Variants in NRG3 observed in about 807,000 individuals in gnomAD.
NRG3 encodes the protein neuregulin 3, also known as pro-neuregulin-3, membrane-bound isoform.
In NRG3, 31 loss-of-function variants were observed where a neutral mutation model predicts 66.9. The observed-to-expected ratio is 0.46, with a 90% CI of 0.35 to 0.63. The LOEUF (loss-of-function observed/expected upper bound fraction) is 0.63, where lower values mean the gene tolerates loss of function less well. Ranked by LOEUF, NRG3 falls within the 20% of genes least tolerant of loss-of-function variation. The probability of loss-of-function intolerance (pLI) is 0.00; values close to 1 mark genes in which losing one functional copy is unlikely to be tolerated. For synonymous variants in NRG3, 393 were observed against 359.4 expected, an observed-to-expected ratio of 1.09 and a Z score of -1.06; for missense variants, 910 against 878.9, an observed-to-expected ratio of 1.04 and a Z score of -0.45.
chr10:82,708,845 T>C (rs1250282541), intron 2 of NRG3, among the ~76,000 whole-genome samples: 1 of 152,186 alleles, frequency 6.6e-6, no homozygotes, highest in Non-Finnish European at 1.5e-5. Flanking sequence ...TTGATTCCAG[T>C]CTCATTTGAT....
chr10:82,587,597 A>G (rs1227073816), intron 2 of NRG3, among the ~76,000 whole-genome samples: 5 of 152,224 alleles, frequency 3.3e-5, no homozygotes, highest in African/African-American at 4.8e-5. Flanking sequence ...GGTAGGCCCA[A>G]CATCATCCAG....
chr10:82,708,627 A>C (rs1442838056), intron 2 of NRG3, among the ~76,000 whole-genome samples: 2 of 152,160 alleles, frequency 1.3e-5, no homozygotes, highest in Non-Finnish European at 2.9e-5. Flanking sequence ...TTATATTACA[A>C]TTACTTAATA....
rs201495334 is a variant in NRG3 at position 81,880,334 on chromosome 10, CT to C, written c.823+4173del. Among the ~76,000 whole-genome samples the C allele has an allele frequency of 8.7e-4, 133 of 152,088 alleles. 1 individual carries two copies. In the East Asian group the frequency reaches 0.014, roughly 16 times the overall value. ...AGGAGGTGTTGTTAATTGAGAGTCC[CT>C]TCTGCAGGATTAATTTGTGAATCCA... On this transcript the variant is annotated intron_variant, in intron 1 of 8. Coordinates refer to ENST00000372141, the MANE Select transcript of NRG3 (RefSeq NM_001010848.4).
intron 1 of NRG3, among the ~76,000 whole-genome samples, chr10:82,065,400 T>A (rs549129655): frequency 1.5e-3 from 228 of 152,346 alleles, no homozygotes; most frequent in African/African-American, 5.2e-3. Context: ...AAATTTATTG[T>A]ATATCATTGT....
chr10:82,550,892 T>A (rs2044263475), intron 2 of NRG3, among the ~76,000 whole-genome samples: 1 of 152,100 alleles, frequency 6.6e-6, no homozygotes, highest in African/African-American at 2.4e-5. Flanking sequence ...ACAGAAGAAA[T>A]GTACCTCCAT....
At chr10:82,809,864 A>C (rs1591592514) in intron 3 of NRG3, among the ~76,000 whole-genome samples, 1 of 151,776 alleles carries the variant, frequency 6.6e-6, no homozygotes, top group East Asian at 1.9e-4. Flanking sequence ...CTTGTCAATA[A>C]AACTTCATTA....
At position 82,624,792 on chromosome 10, in the gene NRG3, T is replaced by C. The variant is rs113080089; in HGVS notation, c.954-113785T>C. Among the ~76,000 whole-genome samples the C allele has an allele frequency of 3.9e-3, 574 of 147,820 alleles. 2 individuals carry two copies. The highest frequency in any genetic ancestry group is 0.013 in the African/African-American group (547 of 40,766). On this transcript the variant is annotated intron_variant, in intron 2 of 8. Transcript: ENST00000372141. ...AATGTACCAGGTTGGTGCTTTTTAA[T>C]GAGAAATATATGTAATAGAATGTTT...
intron 1 of NRG3, among the ~76,000 whole-genome samples, chr10:82,259,184 T>C (rs1269220572): frequency 6.6e-6 from 1 of 152,196 alleles, no homozygotes; most frequent in Non-Finnish European, 1.5e-5. Flanking sequence ...AAAATCTGAA[T>C]GTTCAATTTT....
intron 1 of NRG3, among the ~76,000 whole-genome samples, chr10:81,915,084 A>G (rs1406432927): frequency 6.6e-6 from 1 of 152,210 alleles, no homozygotes; most frequent in Non-Finnish European, 1.5e-5. Flanking sequence ...TAACTTATTA[A>G]AAGTTTGCTT....
rs144522266 is a variant in NRG3, at chr10:82,494,041, A to G, written c.953+135173A>G. Among the ~76,000 whole-genome samples the G allele has an allele frequency of 3.6e-3, 542 of 152,356 alleles. 2 individuals are homozygous for G. The highest frequency in any genetic ancestry group is 0.013 in the African/African-American group (524 of 41,576). On this transcript the variant is annotated intron_variant, in intron 2 of 8. Coordinates refer to ENST00000372141, the MANE Select transcript of NRG3 (RefSeq NM_001010848.4). ...ATGCAAATCAAAACCACAATGAAAT[A>G]CCATCTCACACCAGTCAGAATGGCG...
At chr10:82,745,073 G>A (rs377588894) in intron 3 of NRG3, among the ~76,000 whole-genome samples, 13 of 152,082 alleles carry the variant, frequency 8.5e-5, no homozygotes, top group South Asian at 8.3e-4. Flanking sequence ...GAGGACACAC[G>A]AAAGACATGA....
chr10:81,902,183 C>A (rs59449884), intron 1 of NRG3, among the ~76,000 whole-genome samples: 3,036 of 152,230 alleles, frequency 0.02, 80 homozygotes, highest in African/African-American at 0.063. Context: ...ATCCATATCA[C>A]AGGCATGATT....
intron 1 of NRG3, among the ~76,000 whole-genome samples, chr10:82,148,534 G>A (rs2070437806): frequency 6.6e-6 from 1 of 151,914 alleles, no homozygotes; most frequent in Admixed American, 6.6e-5. Flanking sequence ...TATTTGTCCA[G>A]GTTGTTTTCT....
chr10:82,402,943 A>G (rs1418206159), intron 2 of NRG3, among the ~76,000 whole-genome samples: 2 of 152,120 alleles, frequency 1.3e-5, no homozygotes, highest in Non-Finnish European at 2.9e-5. Context: ...TGAGTTTTTA[A>G]CTTTTTTTAA....
chr10:82,057,845 C>T (rs1273525236), intron 1 of NRG3, among the ~76,000 whole-genome samples: 6 of 152,126 alleles, frequency 3.9e-5, no homozygotes, highest in Non-Finnish European at 8.8e-5. Flanking sequence ...GGCCTTCTAC[C>T]TTAGTTCCTT....
Position 81,940,111 on chromosome 10 carries a change from C to T in NRG3, c.823+63948C>T, listed in dbSNP as rs544045946. Among the ~76,000 whole-genome samples, 18 of 152,166 alleles carry T rather than the reference C, an allele frequency of 1.2e-4. No individual in the cohort carries two copies. In the South Asian group the frequency reaches 3.3e-3, roughly 28 times the overall value. ...TTGCTGTCGATTTCTAGTTTTATTA[C>T]ATTATAGTCAGAAAAAGATGCTTAA... On this transcript the variant is annotated intron_variant, in intron 1 of 8. Coordinates refer to ENST00000372141, the MANE Select transcript of NRG3 (RefSeq NM_001010848.4).
At chr10:81,964,482 A>G (rs1337321725) in intron 1 of NRG3, among the ~76,000 whole-genome samples, 1 of 152,022 alleles carries the variant, frequency 6.6e-6, no homozygotes, top group Non-Finnish European at 1.5e-5. Flanking sequence ...CCATCTCATG[A>G]CCGTACAGTA....
chr10:82,596,651 A>G (rs1438310862), intron 2 of NRG3, among the ~76,000 whole-genome samples: 1 of 152,106 alleles, frequency 6.6e-6, no homozygotes, highest in African/African-American at 2.4e-5. Flanking sequence ...CTTTAGCGGT[A>G]TGTTTTTACC....
At chr10:82,706,640 ACATG>A (rs2134344573) in intron 2 of NRG3, among the ~76,000 whole-genome samples, 1 of 152,332 alleles carries the variant, frequency 6.6e-6, no homozygotes, top group Admixed American at 6.5e-5. Context: ...TAGAAATGAT[ACATG>A]TATATCAAGT....
Sources: allele counts gnomAD v4.1 joint callset (sites outside exome capture counted in the v4.1 genomes callset), GRCh38; gene constraint gnomAD v4.1.1; transcripts MANE v1.5; gene names NCBI Gene and HGNC (gene_info 2026-07-23, HGNC 2026-07-21).